Variants in B4GALNT1 observed in about 807,000 individuals in gnomAD.
B4GALNT1 encodes beta-1,4-N-acetyl-galactosaminyltransferase 1, also known as beta-1,4 N-acetylgalactosaminyltransferase 1.
A neutral mutation model predicts 55.2 loss-of-function variants in B4GALNT1; 43 were observed. The observed-to-expected ratio is 0.78, with a 90% CI of 0.61 to 1.00. B4GALNT1 has a LOEUF of 1.00. Among genes scored for constraint, B4GALNT1 ranks in the 50% least tolerant of loss-of-function variants. The pLI is 0.00. For missense variants in B4GALNT1, 664 were observed against 729.7 expected (o/e 0.91, Z 1.04); for synonymous variants, 305 against 311.6 (o/e 0.98, Z 0.22).
Position 57,623,905 on chromosome 12 carries a change from C to G in B4GALNT1, c.*2839G>C. The G allele has an allele frequency of 1.2e-6, 2 of 1,614,052 alleles. No individual in the cohort carries two copies. Among genetic ancestry groups the G allele is most frequent in the Non-Finnish European group, 1.7e-6 (2 of 1,179,968 alleles). The stretch of plus-strand genomic sequence containing the variant: ...GTGGCTGGGGCCCTTCTTTTACTAT[C>G]TGCCCAAGGTAATGAGCAGAGGAGG... On this transcript the variant is annotated 3_prime_UTR_variant, in exon 11 of 11. Coordinates refer to ENST00000341156, the MANE Select transcript of B4GALNT1 (RefSeq NM_001478.5).
rs115452983 is a variant in B4GALNT1 at position 57,630,431 on chromosome 12, C to A, written c.531+47G>T. 2.4e-4 allele frequency: 387 copies of A among 1,599,236 alleles called. 1 individual carries two copies. The African/African-American group carries it at 4.1e-3, about 17-fold the overall frequency. On this transcript the variant is annotated intron_variant, in intron 5 of 10. Transcript: ENST00000341156. ...CTTAGTAGCCCTGCCTCCCTCCCAG[C>A]ATTCTTGATGCCTACTTGGCCTCCT...
At chr12:57,628,419 C>A (rs1884983873) in intron 8 of B4GALNT1, 157 bp from the exon 9 acceptor site, 6 of 1,131,882 alleles carry the variant, frequency 5.3e-6, no homozygotes, top group Non-Finnish European at 6.2e-6. Flanking sequence ...AAATGCAGAT[C>A]CCCACAGAGG....
chr12:57,625,000 AG>A lies in B4GALNT1; in HGVS notation c.*1743del. The A allele has an allele frequency of 6.2e-7, 1 of 1,613,996 alleles. No individual in the cohort carries two copies. The highest frequency in any genetic ancestry group is 1.3e-5 in the African/African-American group (1 of 75,032). Reference sequence around the variant, plus strand: ...GAGAAAAGGTGAAGGAGCTTGGTTTAGGAGGGATGTGGATCCTCAGGGAGTG... The same window carrying A: ...GAGAAAAGGTGAAGGAGCTTGGTTTAGAGGGATGTGGATCCTCAGGGAGTG... On this transcript the variant is annotated 3_prime_UTR_variant, in exon 11 of 11. Coordinates refer to ENST00000341156, the MANE Select transcript of B4GALNT1 (RefSeq NM_001478.5).
intron 1 of B4GALNT1, 33 bp from the exon 2 acceptor site, chr12:57,632,166 G>C: frequency 6.7e-7 from 1 of 1,495,190 alleles, no homozygotes; most frequent in Non-Finnish European, 9.1e-7. Flanking sequence ...GTGAGAAAGG[G>C]AGGGAAGAAG....
At chr12:57,631,387 G>T in intron 2 of B4GALNT1, 23 bp from the exon 3 acceptor site, 1 of 1,613,496 alleles carries the variant, frequency 6.2e-7, no homozygotes, top group Non-Finnish European at 8.5e-7. Flanking sequence ...GGTAGTGAGG[G>T]TCATCAGAGC....
Position 57,626,360 on chromosome 12 carries a change from T to G in B4GALNT1, c.*384A>C. 2 of 282,170 alleles carry G rather than the reference T, an allele frequency of 7.1e-6. No homozygotes were observed. The highest frequency in any genetic ancestry group is 1.4e-5 in the Non-Finnish European group (2 of 145,026). The allele number at this position is 282,170 out of a possible 1,614,324, so 17.5% of individuals were successfully genotyped here. A position where few individuals can be genotyped will look rare whatever the true frequency, so the allele number is the denominator to read the frequency against. Reference sequence around the variant, plus strand: ...GCAGATGAGGGGCACAGTCTTGGGATTATGTGTTGGGGAACTTCCCCACCC... The same window carrying G: ...GCAGATGAGGGGCACAGTCTTGGGAGTATGTGTTGGGGAACTTCCCCACCC... On this transcript the variant is annotated 3_prime_UTR_variant, in exon 11 of 11. Transcript: ENST00000341156.
chr12:57,626,603 G>T lies in B4GALNT1; in HGVS notation c.*141C>A. 1.0e-6 allele frequency: 1 copy of T among 979,920 alleles called. No homozygotes were observed. Among genetic ancestry groups the T allele is most frequent in the Non-Finnish European group, 1.6e-6 (1 of 640,768 alleles). 60.7% of individuals were successfully genotyped at this position (979,920 alleles called of 1,614,324 possible). ...CCAGGACAACCCCTACTGGGCATCA[G>T]GTTCTGAAAAGGAAGAGTGAGGAAC... On this transcript the variant is annotated 3_prime_UTR_variant, in exon 11 of 11. Coordinates refer to ENST00000341156, the MANE Select transcript of B4GALNT1 (RefSeq NM_001478.5).
At chr12:57,630,637 G>A (rs1885140862) in intron 4 of B4GALNT1, 119 bp from the exon 5 acceptor site, 1 of 1,187,206 alleles carries the variant, frequency 8.4e-7, no homozygotes, top group Admixed American at 2.7e-5. Context: ...TCTTATTGAG[G>A]CCTCAGCAGG....
rs1387198118 is a variant in B4GALNT1, at chr12:57,623,719, G to T, written c.*3025C>A. The T allele has an allele frequency of 1.2e-6, 1 of 830,678 alleles. No homozygotes were observed. Among genetic ancestry groups the T allele is most frequent in the African/African-American group, 1.7e-5 (1 of 59,182 alleles). The allele number at this position is 830,678 out of a possible 1,614,324, so 51.5% of individuals were successfully genotyped here. A position where few individuals can be genotyped will look rare whatever the true frequency, so the allele number is the denominator to read the frequency against. On this transcript the variant is annotated 3_prime_UTR_variant, in exon 11 of 11. Coordinates refer to ENST00000341156, the MANE Select transcript of B4GALNT1 (RefSeq NM_001478.5). The stretch of plus-strand genomic sequence containing the variant: ...TTAAGAAGGGGGTTGTGTGGAAGGA[G>T]ATTTGGGAGAAGGGAGACTTCCGAG...
intron 6 of B4GALNT1, 162 bp from the exon 7 acceptor site, chr12:57,629,308 G>A (rs1594982766): frequency 3.7e-6 from 2 of 544,182 alleles, no homozygotes; most frequent in East Asian, 3.1e-5. Flanking sequence ...TAATGGGTAG[G>A]AGAAAAAACA....
intron 6 of B4GALNT1, chr12:57,629,775 G>A (rs1232709937): frequency 1.4e-6 from 2 of 1,435,326 alleles, no homozygotes; most frequent in Non-Finnish European, 1.8e-6. Context: ...AAGCAAAGAG[G>A]GCTTTTAGGC....
At chr12:57,631,163 C>A in intron 3 of B4GALNT1, 37 bp downstream of exon 3, 1 of 1,613,656 alleles carries the variant, frequency 6.2e-7, no homozygotes, top group African/African-American at 1.3e-5. Context: ...TCACTGCTCT[C>A]CCCCTGAGGA....
chr12:57,630,979 C>T lies in B4GALNT1; in HGVS notation c.490+1G>A, dbSNP rs377445018. The T allele has an allele frequency of 7.4e-6, 12 of 1,612,212 alleles. No homozygotes were observed. The highest frequency in any genetic ancestry group is 5.1e-6 in the Non-Finnish European group (6 of 1,179,496). On this transcript the variant is annotated splice_donor_variant, in intron 4 of 10. Coordinates refer to ENST00000341156, the MANE Select transcript of B4GALNT1 (RefSeq NM_001478.5). LOFTEE classifies it high-confidence loss of function. ...TCATCCTCTGGGACCCTCCTCCCTA[C>T]CTGGCACCAAGATGCTCCTGAGGGG...
intron 2 of B4GALNT1, 54 bp from the exon 3 acceptor site, chr12:57,631,418 A>G: frequency 6.3e-7 from 1 of 1,598,322 alleles, no homozygotes; most frequent in South Asian, 1.1e-5. Context: ...AGCTCCATTC[A>G]TCCCATAAAC....
chr12:57,632,353 C>T (rs1375997302), intron 1 of B4GALNT1: 3 of 687,912 alleles, frequency 4.4e-6, no homozygotes, highest in Non-Finnish European at 7.9e-6. Context: ...TCTTCTCGCC[C>T]TCTCCTGCAT....
rs1884587912 is a variant in B4GALNT1, at chr12:57,623,413, C to CT, written c.*3330dup. 2.0e-6 allele frequency: 1 copy of CT among 491,690 alleles called. No individual in the cohort carries two copies. Among genetic ancestry groups the CT allele is most frequent in the South Asian group, 3.2e-5 (1 of 31,368 alleles). 30.5% of individuals were successfully genotyped at this position (491,690 alleles called of 1,614,324 possible). A position where few individuals can be genotyped will look rare whatever the true frequency, so the allele number is the denominator to read the frequency against. ...TAAAAACACAAAACTATAAAATAAA[C>CT]TTAAGAGATAAAATTCTTATTTTTT... On this transcript the variant is annotated 3_prime_UTR_variant, in exon 11 of 11. Transcript: ENST00000341156.
chr12:57,632,327 G>A lies in B4GALNT1; in HGVS notation c.-1-194C>T, dbSNP rs900377622. On this transcript the variant is annotated intron_variant, in intron 1 of 10. Transcript: ENST00000341156. ...CTCCCCTCACTTCCCAGGCCCCAGG[G>A]TCTCCCGGCCTCCTTTCTTCTCGCC... The A allele has an allele frequency of 7.1e-6, 5 of 702,842 alleles. No individual in the cohort carries two copies. In the African/African-American group the frequency reaches 8.8e-5, roughly 12 times the overall value. The allele number at this position is 702,842 out of a possible 1,614,324, so 43.5% of individuals were successfully genotyped here.
chr12:57,624,750 C>A lies in B4GALNT1; in HGVS notation c.*1994G>T. On this transcript the variant is annotated 3_prime_UTR_variant, in exon 11 of 11. Coordinates refer to ENST00000341156, the MANE Select transcript of B4GALNT1 (RefSeq NM_001478.5). ...GTGTAGTGCCTGGCACTTGGACAGG[C>A]TGAGGGGACAGAGCTCTACAGACCA... is the stretch of plus-strand genomic sequence containing the variant. 2.1e-6 allele frequency: 2 copies of A among 954,886 alleles called. No homozygotes were observed. The highest frequency in any genetic ancestry group is 3.5e-6 in the Non-Finnish European group (2 of 578,942). The allele number at this position is 954,886 out of a possible 1,614,324, so 59.2% of individuals were successfully genotyped here.
At position 57,624,988 on chromosome 12, in the gene B4GALNT1, G is replaced by T; in HGVS notation, c.*1756C>A. 1 of 1,614,178 alleles carries T rather than the reference G, an allele frequency of 6.2e-7. No individual in the cohort carries two copies. Among genetic ancestry groups the T allele is most frequent in the Non-Finnish European group, 8.5e-7 (1 of 1,180,022 alleles). ...GGCTCGGAGAAGGAGAAAAGGTGAA[G>T]GAGCTTGGTTTAGGAGGGATGTGGA... On this transcript the variant is annotated 3_prime_UTR_variant, in exon 11 of 11. Transcript: ENST00000341156.
Sources: allele counts gnomAD v4.1 joint callset, GRCh38; gene constraint gnomAD v4.1.1; transcripts MANE v1.5; gene names NCBI Gene and HGNC (gene_info 2026-07-23, HGNC 2026-07-21).